The following DPYD variants were observed in gnomAD, a reference collection of about 807,000 sequenced individuals.
DPYD encodes dihydropyrimidine dehydrogenase [NADP(+)].
A neutral mutation model predicts 116.2 loss-of-function variants in DPYD; 109 were observed. The observed-to-expected ratio is 0.94, with a 90% CI of 0.80 to 1.10. The LOEUF (loss-of-function observed/expected upper bound fraction) is 1.10. Ranked by LOEUF, DPYD falls within the 50% of genes least tolerant of loss-of-function variation. The probability of loss-of-function intolerance (pLI) is 0.00; values close to 1 mark genes in which losing one functional copy is unlikely to be tolerated. For missense variants in DPYD, 1,302 were observed against 1,254.5 expected (o/e 1.04, Z -0.57); for synonymous variants, 440 against 432.0 (o/e 1.02, Z -0.23).
intron 14 of DPYD, among the ~76,000 whole-genome samples, chr1:97,403,022 G>T (rs751232134): frequency 6.6e-6 from 1 of 152,058 alleles, no homozygotes; most frequent in East Asian, 1.9e-4. Flanking sequence ...CTAATATTTT[G>T]TTGAGCATTT....
chr1:97,830,254 C>T (rs1434357881), intron 2 of DPYD, among the ~76,000 whole-genome samples: 1 of 152,066 alleles, frequency 6.6e-6, no homozygotes, highest in African/African-American at 2.4e-5. Context: ...GGGCCTCCAC[C>T]ACTGTAGAGG....
intron 8 of DPYD, among the ~76,000 whole-genome samples, chr1:97,670,965 T>C (rs1043097425): frequency 6.6e-6 from 1 of 151,894 alleles, no homozygotes; most frequent in Non-Finnish European, 1.5e-5. Context: ...AAAAATATAA[T>C]AAAAATTCCT....
intron 1 of DPYD, among the ~76,000 whole-genome samples, chr1:97,889,987 C>A (rs1431717139): frequency 6.6e-6 from 1 of 151,928 alleles, no homozygotes; most frequent in African/African-American, 2.4e-5. Context: ...ATACTGTAAA[C>A]ATTATGCTAA....
intron 20 of DPYD, among the ~76,000 whole-genome samples, chr1:97,136,183 G>A (rs372387435): frequency 1.7e-4 from 26 of 152,242 alleles, no homozygotes; most frequent in African/African-American, 5.5e-4. Flanking sequence ...TAATTTTAAA[G>A]GTTGGAAATC....
chr1:97,646,466 CACTT>C (rs1311691618), intron 8 of DPYD, among the ~76,000 whole-genome samples: 1 of 151,920 alleles, frequency 6.6e-6, no homozygotes, highest in Non-Finnish European at 1.5e-5. Context: ...TTTGTCAACT[CACTT>C]TCTATTTCCT....
At chr1:97,523,353 T>C (rs1570894796) in intron 12 of DPYD, among the ~76,000 whole-genome samples, 2 of 152,186 alleles carry the variant, frequency 1.3e-5, no homozygotes, top group Admixed American at 6.5e-5. Flanking sequence ...CTTAGAATTT[T>C]TGGGGGGAGA....
chr1:97,353,197 C>T (rs893190657), intron 16 of DPYD, among the ~76,000 whole-genome samples: 1 of 152,174 alleles, frequency 6.6e-6, no homozygotes, highest in Non-Finnish European at 1.5e-5. Flanking sequence ...CACAGTCTCA[C>T]AGAGCAGTGC....
At chr1:97,162,080 T>A (rs951540990) in intron 20 of DPYD, among the ~76,000 whole-genome samples, 11 of 152,140 alleles carry the variant, frequency 7.2e-5, no homozygotes, top group African/African-American at 2.6e-4. Context: ...CCTTTGGGTA[T>A]ATACCCAGTA....
At chr1:97,892,944 C>A (rs1383841082) in intron 1 of DPYD, among the ~76,000 whole-genome samples, 1 of 151,798 alleles carries the variant, frequency 6.6e-6, no homozygotes, top group Non-Finnish European at 1.5e-5. Context: ...AACTCTCAAG[C>A]TCTCTACTCC....
chr1:97,509,317 GCCTT>G (rs1647605803), intron 13 of DPYD, among the ~76,000 whole-genome samples: 1 of 151,996 alleles, frequency 6.6e-6, no homozygotes, highest in Non-Finnish European at 1.5e-5. Context: ...GGCAGGCAGA[GCCTT>G]GAAAAACCAA....
chr1:97,829,760 T>C (rs891891532), intron 2 of DPYD, among the ~76,000 whole-genome samples: 7 of 152,164 alleles, frequency 4.6e-5, no homozygotes, highest in African/African-American at 1.7e-4. Flanking sequence ...TATTTCTTTT[T>C]TTTTTAATTA....
chr1:97,902,012 A>G (rs76130206), intron 1 of DPYD, among the ~76,000 whole-genome samples: 667 of 151,884 alleles, frequency 4.4e-3, no homozygotes, highest in African/African-American at 0.015. Flanking sequence ...ACATAGTCTA[A>G]AATTCTCTGC....
At chr1:97,641,748 A>C (rs1207074925) in intron 8 of DPYD, among the ~76,000 whole-genome samples, 2 of 152,206 alleles carry the variant, frequency 1.3e-5, no homozygotes, top group Non-Finnish European at 2.9e-5. Flanking sequence ...AGTTCTGGCC[A>C]GGGCAATCAG....
At chr1:97,664,055 A>G (rs1387537388) in intron 8 of DPYD, among the ~76,000 whole-genome samples, 1 of 152,188 alleles carries the variant, frequency 6.6e-6, no homozygotes, top group East Asian at 1.9e-4. Flanking sequence ...AAGCCTCTTG[A>G]TAACAAGGTC....
chr1:97,470,848 G>A (rs1570787551), intron 13 of DPYD, among the ~76,000 whole-genome samples: 2 of 152,216 alleles, frequency 1.3e-5, no homozygotes, highest in South Asian at 4.1e-4. Context: ...AAATTAGCAG[G>A]GCGTGGTGGT....
intron 10 of DPYD, among the ~76,000 whole-genome samples, chr1:97,591,950 C>A (rs1021130107): frequency 2.0e-5 from 3 of 150,388 alleles, no homozygotes; most frequent in African/African-American, 7.3e-5. Flanking sequence ...ATAAAAAAGT[C>A]TAAAAAGGGT....
At chr1:97,174,451 G>A in intron 20 of DPYD, among the ~76,000 whole-genome samples, 1 of 151,072 alleles carries the variant, frequency 6.6e-6, no homozygotes, top group South Asian at 2.1e-4. Flanking sequence ...GATGTGAAAG[G>A]CCGGAAGTCT....
intron 19 of DPYD, among the ~76,000 whole-genome samples, chr1:97,220,601 G>A (rs1660712202): frequency 6.6e-6 from 1 of 152,050 alleles, no homozygotes; most frequent in Admixed American, 6.6e-5. Flanking sequence ...CAGTGATAAA[G>A]ATGCCATTTT....
intron 14 of DPYD, among the ~76,000 whole-genome samples, chr1:97,403,526 T>G (rs1012112250): frequency 2.6e-5 from 4 of 152,086 alleles, no homozygotes; most frequent in African/African-American, 9.7e-5. Context: ...TTGTCTATTT[T>G]TCCTGTGTGA....
Sources: gnomAD v4.1 joint callset for allele counts (sites outside exome capture counted in the v4.1 genomes callset) on GRCh38, gnomAD v4.1.1 for gene constraint, MANE v1.5 for transcripts, NCBI Gene and HGNC (gene_info 2026-07-23, HGNC 2026-07-21) for gene names.